Variants in ANKRD30BL observed in about 807,000 individuals in gnomAD.
ANKRD30BL encodes ankyrin repeat domain 30B like, also known as putative ankyrin repeat domain-containing protein 30B-like.
Under a neutral mutation model 18.4 loss-of-function variants are expected in ANKRD30BL, and 20 were observed. The ratio of observed to expected loss-of-function variants is 1.09; its 90% CI spans 0.77 to 1.58. The LOEUF is 1.58. Among genes scored for constraint, ANKRD30BL ranks in the 40% most tolerant of loss-of-function variants. The pLI is 0.00. For synonymous variants in ANKRD30BL, 72 were observed against 100.9 expected (o/e 0.71, Z 1.72); for missense variants, 224 against 268.6 (o/e 0.83, Z 1.16).
intron 1 of ANKRD30BL, chr2:132,257,019 G>T (rs545157048): frequency 3.9e-6 from 2 of 511,976 alleles, no homozygotes; most frequent in East Asian, 1.1e-4. Flanking sequence ...GGATCCCACC[G>T]CCACAGACAG....
chr2:132,215,747 C>T (rs939517798), intron 1 of ANKRD30BL, among the ~76,000 whole-genome samples: 1 of 151,952 alleles, frequency 6.6e-6, no homozygotes, highest in African/African-American at 2.4e-5. Context: ...GTGATGTGTG[C>T]ATTCATCTCA....
At chr2:132,168,468 A>G (rs1367055393) in intron 1 of ANKRD30BL, among the ~76,000 whole-genome samples, 1 of 152,214 alleles carries the variant, frequency 6.6e-6, no homozygotes, top group East Asian at 1.9e-4. Flanking sequence ...TGATGGACTG[A>G]GAGAACATAA....
At chr2:132,233,185 G>A (rs1680067607) in intron 1 of ANKRD30BL, among the ~76,000 whole-genome samples, 1 of 151,774 alleles carries the variant, frequency 6.6e-6, no homozygotes. Flanking sequence ...CCTGAAGGAA[G>A]CACTAAACAT....
At chr2:132,236,791 C>T (rs201564582) in intron 1 of ANKRD30BL, among the ~76,000 whole-genome samples, 30 of 151,924 alleles carry the variant, frequency 2.0e-4, no homozygotes, top group African/African-American at 6.8e-4. Flanking sequence ...ACCCAAAGGA[C>T]TATAAATCAT....
chr2:132,184,683 C>T lies in ANKRD30BL; in HGVS notation n.442-27537G>A, dbSNP rs560197420. ...ATGCATATTCATATGAAGAATGAAACGCATCATCCTATATCTTTCCTTTTT... is the reference window on the plus strand; with the variant it reads ...ATGCATATTCATATGAAGAATGAAATGCATCATCCTATATCTTTCCTTTTT... On this transcript the variant is annotated intron_variant and non_coding_transcript_variant, in intron 1 of 4. Coordinates refer to the ANKRD30BL transcript ENST00000470729. Among the ~76,000 whole-genome samples, 48 of 151,984 alleles carry T rather than the reference C, an allele frequency of 3.2e-4. No homozygotes were observed. In the East Asian group the frequency reaches 4.1e-3, roughly 13 times the overall value.
chr2:132,189,370 A>G (rs2104736723), intron 1 of ANKRD30BL, among the ~76,000 whole-genome samples: 1 of 152,328 alleles, frequency 6.6e-6, no homozygotes, highest in South Asian at 2.1e-4. Flanking sequence ...TGACTATGAC[A>G]CAGAGATTTT....
chr2:132,253,805 G>A (rs536277963), intron 1 of ANKRD30BL, among the ~76,000 whole-genome samples: 6 of 152,068 alleles, frequency 3.9e-5, no homozygotes, highest in African/African-American at 1.2e-4. Flanking sequence ...GGGCGGATGA[G>A]GGGGGTGGGA....
chr2:132,164,440 G>A (rs1419063140), upstream of ANKRD30BL, among the ~76,000 whole-genome samples: 5 of 151,582 alleles, frequency 3.3e-5, no homozygotes, highest in South Asian at 4.2e-4. Flanking sequence ...ACAGGCACCC[G>A]CCATCATGCC....
intron 1 of ANKRD30BL, among the ~76,000 whole-genome samples, chr2:132,234,318 G>T (rs889859289): frequency 2.0e-4 from 31 of 151,820 alleles, no homozygotes; most frequent in Non-Finnish European, 3.8e-4. Flanking sequence ...CTAGCAGAAG[G>T]CAAGAAATAA....
chr2:132,206,571 G>T (rs1482888269), intron 1 of ANKRD30BL, among the ~76,000 whole-genome samples: 1 of 152,150 alleles, frequency 6.6e-6, no homozygotes, highest in African/African-American at 2.4e-5. Flanking sequence ...AGGATGAAGT[G>T]CATGTAGAGT....
intron 1 of ANKRD30BL, among the ~76,000 whole-genome samples, chr2:132,185,958 T>C (rs943392078): frequency 2.0e-5 from 3 of 152,016 alleles, no homozygotes; most frequent in African/African-American, 7.2e-5. Context: ...CTAGCCAACA[T>C]GGTAAAACTC....
chr2:132,242,553 C>T (rs1680368119), intron 1 of ANKRD30BL, among the ~76,000 whole-genome samples: 1 of 151,640 alleles, frequency 6.6e-6, no homozygotes, highest in South Asian at 2.1e-4. Context: ...CCATTAAAAA[C>T]TAGACAGAAG....
chr2:132,198,307 T>C (rs1331597806), intron 1 of ANKRD30BL, among the ~76,000 whole-genome samples: 2 of 15,226 alleles, frequency 1.3e-4, no homozygotes, highest in Non-Finnish European at 3.7e-4. Flanking sequence ...TTTCTTTCTT[T>C]CTTTCTTTCT....
At chr2:132,183,371 T>C (rs952582354) in intron 1 of ANKRD30BL, among the ~76,000 whole-genome samples, 1 of 152,160 alleles carries the variant, frequency 6.6e-6, no homozygotes, top group African/African-American at 2.4e-5. Flanking sequence ...CCTTGTGATC[T>C]GCCCGCTTTG....
chr2:132,200,043 C>G (rs913234862), intron 1 of ANKRD30BL, among the ~76,000 whole-genome samples: 2 of 152,158 alleles, frequency 1.3e-5, no homozygotes, highest in Admixed American at 1.3e-4. Flanking sequence ...AGCATATAAA[C>G]AGAACCAAAG....
intron 1 of ANKRD30BL, among the ~76,000 whole-genome samples, chr2:132,212,033 T>C (rs969387886): frequency 6.6e-6 from 1 of 151,968 alleles, no homozygotes; most frequent in Non-Finnish European, 1.5e-5. Context: ...AATCTGCAAG[T>C]GGATATTTTT....
chr2:132,233,301 C>T (rs1470000600), intron 1 of ANKRD30BL, among the ~76,000 whole-genome samples: 1 of 149,646 alleles, frequency 6.7e-6, no homozygotes, highest in Non-Finnish European at 1.5e-5. Flanking sequence ...AACCAGCTAA[C>T]ATCATAATGA....
chr2:132,251,049 C>T (rs981804131), intron 1 of ANKRD30BL, among the ~76,000 whole-genome samples: 1 of 152,180 alleles, frequency 6.6e-6, no homozygotes, highest in African/African-American at 2.4e-5. Flanking sequence ...AGCTCTCATA[C>T]AGACTATTGA....
At chr2:132,228,266 C>G (rs1340954077) in intron 1 of ANKRD30BL, among the ~76,000 whole-genome samples, 1 of 147,936 alleles carries the variant, frequency 6.8e-6, no homozygotes. Context: ...ATTTTCACAT[C>G]AAAACGACAC....
Sources: allele counts gnomAD v4.1 joint callset (sites outside exome capture counted in the v4.1 genomes callset), GRCh38; gene constraint gnomAD v4.1.1; transcripts MANE v1.5; gene names NCBI Gene and HGNC (gene_info 2026-07-23, HGNC 2026-07-21).